TMCO1: variants seen among roughly 807,000 people sequenced by gnomAD.
TMCO1 encodes calcium load-activated calcium channel.
A neutral mutation model predicts 29.3 loss-of-function variants in TMCO1; 29 were observed. The ratio of observed to expected loss-of-function variants is 0.99; its 90% confidence interval spans 0.74 to 1.35. The LOEUF (loss-of-function observed/expected upper bound fraction) is 1.35. Ranked by LOEUF, TMCO1 falls within the 40% of genes most tolerant of loss-of-function variation. The probability of loss-of-function intolerance (pLI) is 0.00; values close to 1 mark genes in which losing one functional copy is unlikely to be tolerated. For missense variants in TMCO1, 173 were observed against 225.5 expected, an observed-to-expected ratio of 0.77 and a Z score of 1.49; for synonymous variants, 80 against 77.1, an observed-to-expected ratio of 1.04 and a Z score of -0.20.
At chr1:165,732,503 CTCTATATA>C (rs1416517154) in intron 6 of TMCO1, among the ~76,000 whole-genome samples, 3 of 128,586 alleles carry the variant, frequency 2.3e-5, no homozygotes, top group African/African-American at 9.2e-5. Context: ...CTCTCTCTCT[CTCTATATA>C]TATATATATA....
At chr1:165,768,542 T>C (rs1187055855) in intron 1 of TMCO1, 140 bp downstream of exon 1, 2 of 1,561,500 alleles carry the variant, frequency 1.3e-6, no homozygotes, top group Non-Finnish European at 1.7e-6. Flanking sequence ...TGTTCACGAG[T>C]TGCCCAGAGA....
intron 1 of TMCO1, 22 bp downstream of exon 1, chr1:165,768,648 ACTGATCAAACGT>A: frequency 6.2e-7 from 1 of 1,613,496 alleles, no homozygotes; most frequent in Non-Finnish European, 8.5e-7. Flanking sequence ...CCTCCCGGGG[ACTGATCAAACGT>A]CTGAGAAATA....
At chr1:165,749,887 T>C (rs1484063259) in intron 5 of TMCO1, among the ~76,000 whole-genome samples, 1 of 151,774 alleles carries the variant, frequency 6.6e-6, no homozygotes, top group Non-Finnish European at 1.5e-5. Flanking sequence ...GTGGAGGGAA[T>C]GAACTAGGAA....
chr1:165,753,193 C>A (rs1308681123), intron 4 of TMCO1, among the ~76,000 whole-genome samples: 1 of 152,048 alleles, frequency 6.6e-6, no homozygotes, highest in African/African-American at 2.4e-5. Flanking sequence ...AACAAAAGAG[C>A]CAGGCACGGT....
At chr1:165,732,298 C>T (rs1651190938) in intron 6 of TMCO1, among the ~76,000 whole-genome samples, 1 of 148,928 alleles carries the variant, frequency 6.7e-6, no homozygotes, top group African/African-American at 2.5e-5. Context: ...AGAAAGTGAA[C>T]TGATATAACT....
At chr1:165,730,778 G>C (rs1651129202) in intron 6 of TMCO1, among the ~76,000 whole-genome samples, 1 of 151,684 alleles carries the variant, frequency 6.6e-6, no homozygotes, top group Non-Finnish European at 1.5e-5. Context: ...ATTTTTAATA[G>C]AGTTGGGGTT....
intron 3 of TMCO1, among the ~76,000 whole-genome samples, chr1:165,757,229 C>A (rs12043696): frequency 0.2 from 30,976 of 152,140 alleles, 3,276 homozygotes; most frequent in South Asian, 0.34. Context: ...TGAATATATT[C>A]CATAGTAGTA....
rs137894882 is a variant in TMCO1, at chr1:165,747,267, C to CAAAA, written c.324-3960_324-3957dup. 2.7e-4 allele frequency among the ~76,000 whole-genome samples: 22 copies of CAAAA among 81,944 alleles called. 1 individual carries two copies. Among genetic ancestry groups the CAAAA allele is most frequent in the African/African-American group, 9.6e-4 (19 of 19,848 alleles). The allele number at this position is 81,944 out of a possible 152,430, so 53.8% of individuals were successfully genotyped here. ...CAGAGAACAGTGTGAGGCTCTGTCT[C>CAAAA]AAAAAAAAAAAAAAAAAAAAAAAAA... is the stretch of plus-strand genomic sequence containing the variant. On this transcript the variant is annotated intron_variant, in intron 5 of 6. Transcript: ENST00000367881.
At position 165,754,082 on chromosome 1, in the gene TMCO1, T is replaced by C. The variant is rs1571226088; in HGVS notation, c.255+146A>G. Reference sequence around the variant, plus strand: ...GAGCAGGAGCATATTTTCACTTCCATTTGGTCCAGGAACACCCATGATATT... The same window carrying C: ...GAGCAGGAGCATATTTTCACTTCCACTTGGTCCAGGAACACCCATGATATT... On this transcript the variant is annotated intron_variant, in intron 4 of 6. Transcript: ENST00000367881. The C allele has an allele frequency of 5.9e-6, 4 of 681,692 alleles. No individual in the cohort carries two copies. The East Asian group carries it at 1.1e-4, about 18-fold the overall frequency. The allele number at this position is 681,692 out of a possible 1,614,324, so 42.2% of individuals were successfully genotyped here.
chr1:165,743,282 G>C lies in TMCO1; in HGVS notation c.353C>G (p.Pro118Arg). 6.2e-7 allele frequency: 1 copy of C among 1,611,814 alleles called. No individual in the cohort carries two copies. ...TTGGATGTAAGAAAGAGGGGTAAAA[G>C]GAAGCTTTGCCACCACTCTACCATC... ...IFDGRVVAKL[P>R]FTPLSYIQGL... Residue 118 changes from proline (P) to arginine (R), a missense_variant, in exon 6 of 7, where the codon CCT becomes CGT. Transcript: ENST00000367881.
chr1:165,732,799 A>G (rs1433515113), intron 6 of TMCO1, among the ~76,000 whole-genome samples: 1 of 152,206 alleles, frequency 6.6e-6, no homozygotes, highest in Non-Finnish European at 1.5e-5. Flanking sequence ...ATAAAAGGGA[A>G]TATAAAGTAT....
chr1:165,752,086 A>G lies in TMCO1; in HGVS notation c.323+16T>C, dbSNP rs1226640841. Reference sequence around the variant, plus strand: ...AGTAATAGTTATTAGTCAAAAGCATATAAAAGGACACTCACATGGAATTGA... The same window carrying G: ...AGTAATAGTTATTAGTCAAAAGCATGTAAAAGGACACTCACATGGAATTGA... On this transcript the variant is annotated intron_variant, in intron 5 of 6. Transcript: ENST00000367881. 1 of 1,597,050 alleles carries G rather than the reference A, an allele frequency of 6.3e-7. No homozygotes were observed. The highest frequency in any genetic ancestry group is 1.3e-5 in the African/African-American group (1 of 74,672).
At chr1:165,761,681 G>A (rs4656462) in intron 2 of TMCO1, among the ~76,000 whole-genome samples, 36,059 of 151,934 alleles carry the variant, frequency 0.24, 5,357 homozygotes, top group East Asian at 0.58. Flanking sequence ...GGGTGCAGTG[G>A]CTCAGTTCTG....
chr1:165,749,123 T>G (rs949398824), intron 5 of TMCO1, among the ~76,000 whole-genome samples: 8 of 152,216 alleles, frequency 5.3e-5, no homozygotes, highest in African/African-American at 1.9e-4. Flanking sequence ...TTCTGGCAAT[T>G]ATGAATAAAC....
chr1:165,738,529 A>C (rs556629390), intron 6 of TMCO1, among the ~76,000 whole-genome samples: 1 of 152,256 alleles, frequency 6.6e-6, no homozygotes, highest in Admixed American at 6.5e-5. Context: ...ACATGTGGAA[A>C]TAGCAGGCTA....
chr1:165,752,267 T>C, intron 4 of TMCO1, 98 bp from the exon 5 acceptor site: 1 of 955,816 alleles, frequency 1.0e-6, no homozygotes, highest in Non-Finnish European at 1.6e-6. Flanking sequence ...TTTTTTTTTT[T>C]TTTTTGAGGC....
At chr1:165,767,520 CTTAAATG>C (rs1385355211) in intron 2 of TMCO1, among the ~76,000 whole-genome samples, 3 of 152,184 alleles carry the variant, frequency 2.0e-5, no homozygotes, top group African/African-American at 7.2e-5. Flanking sequence ...CCAAACATGC[CTTAAATG>C]TTAAGATTTC....
At chr1:165,724,398 C>T, downstream of TMCO1, 1 of 454,032 alleles carries the variant, frequency 2.2e-6, no homozygotes, top group South Asian at 1.6e-5. Flanking sequence ...CACCAAAATC[C>T]AAACTAAGAA....
chr1:165,755,605 T>C (rs1016568541), intron 3 of TMCO1, among the ~76,000 whole-genome samples: 1 of 152,118 alleles, frequency 6.6e-6, no homozygotes. Flanking sequence ...TGGTGAGCCA[T>C]GAACATGCCA....
Sources: allele counts gnomAD v4.1 joint callset (sites outside exome capture counted in the v4.1 genomes callset), GRCh38; gene constraint gnomAD v4.1.1; transcripts MANE v1.5; gene names NCBI Gene and HGNC (gene_info 2026-07-23, HGNC 2026-07-21).